Variants in HTT observed in about 807,000 individuals in gnomAD.
The protein encoded by HTT is huntington disease protein.
Under a neutral mutation model 362.3 loss-of-function variants are expected in HTT, and 104 were observed. That is an observed-to-expected ratio of 0.29 (90% CI 0.24 to 0.34). The LOEUF (loss-of-function observed/expected upper bound fraction) is 0.34, where lower values mean the gene tolerates loss of function less well. Ranked by LOEUF, HTT falls within the 10% of genes least tolerant of loss-of-function variation. The pLI is 1.00. For missense variants in HTT, 3,301 were observed against 3,928.6 expected (o/e 0.84, Z 4.27); for synonymous variants, 1,577 against 1,548.7 (o/e 1.02, Z -0.43).
rs144818394 is a variant in HTT, at chr4:3,101,765, A to G, written c.469-2059A>G. Among the ~76,000 whole-genome samples the G allele has an allele frequency of 4.9e-3, 746 of 152,330 alleles. 1 individual carries two copies. The highest frequency in any genetic ancestry group is 7.2e-3 in the Non-Finnish European group (489 of 68,028). On this transcript the variant is annotated intron_variant, in intron 3 of 66. Coordinates refer to ENST00000355072, the MANE Select transcript of HTT (RefSeq NM_001388492.1). ...GGCGGTGAAGCACGTGTGTCCAGCA[A>G]GAACTTCATATGTGGCATAAAGTCT...
chr4:3,135,387 G>C (rs763994069), intron 19 of HTT, among the ~76,000 whole-genome samples: 3 of 149,370 alleles, frequency 2.0e-5, no homozygotes, highest in Admixed American at 2.0e-4. Flanking sequence ...TTTGGCTGGA[G>C]AAGTTTTCTT....
chr4:3,176,025 G>GTTTTTTT lies in HTT; in HGVS notation c.4407+921_4407+927dup, dbSNP rs777646822. Among the ~76,000 whole-genome samples, 450 of 139,014 alleles carry GTTTTTTT rather than the reference G, an allele frequency of 3.2e-3. 15 individuals are homozygous for GTTTTTTT. The highest frequency in any genetic ancestry group is 8.0e-3 in the African/African-American group (269 of 33,666). 91.2% of individuals were successfully genotyped at this position (139,014 alleles called of 152,430 possible). Reference sequence around the variant, plus strand: ...CTTGTTTTTTTTGTTGTTGTTGTTTGTTTTTTTTTGTTTTTTTTTTGAGAT... The same window carrying GTTTTTTT: ...CTTGTTTTTTTTGTTGTTGTTGTTTGTTTTTTTTTTTTTTTTGTTTTTTTTTTGAGAT... On this transcript the variant is annotated intron_variant, in intron 33 of 66. Coordinates refer to ENST00000355072, the MANE Select transcript of HTT (RefSeq NM_001388492.1).
intron 60 of HTT, 125 bp from the exon 61 acceptor site, chr4:3,233,038 C>G (rs572594803): frequency 1.3e-5 from 10 of 746,582 alleles, no homozygotes; most frequent in South Asian, 1.2e-4. Context: ...GGATGGTCTC[C>G]GGCCTGCTGT....
intron 56 of HTT, among the ~76,000 whole-genome samples, chr4:3,225,412 C>T (rs748273578): frequency 2.0e-5 from 3 of 152,244 alleles, no homozygotes; most frequent in Non-Finnish European, 4.4e-5. Context: ...CTGCTGCAGT[C>T]TTATTTGTCA....
chr4:3,188,825 T>G, intron 39 of HTT, 126 bp from the exon 40 acceptor site: 2 of 889,520 alleles, frequency 2.2e-6, no homozygotes, highest in South Asian at 1.7e-5. Context: ...GCATTTCACT[T>G]TAGCGGTTAA....
intron 29 of HTT, among the ~76,000 whole-genome samples, chr4:3,163,094 C>T (rs568491873): frequency 1.3e-5 from 2 of 152,244 alleles, no homozygotes; most frequent in South Asian, 4.2e-4. Flanking sequence ...TGTTGAGATA[C>T]GTTCCATCGA....
chr4:3,236,036 T>C (rs1578617770), intron 63 of HTT, 113 bp from the exon 64 acceptor site: 22 of 836,044 alleles, frequency 2.6e-5, no homozygotes, highest in African/African-American at 5.0e-5. Flanking sequence ...GGGGCTGATA[T>C]CACCTGCTTT....
chr4:3,212,527 C>T (rs1174126399), intron 48 of HTT, 37 bp from the exon 49 acceptor site: 2 of 1,600,308 alleles, frequency 1.2e-6, no homozygotes, highest in Non-Finnish European at 1.7e-6. Flanking sequence ...CATCTGTGCT[C>T]ACGTTTGCAC....
At chr4:3,185,012 A>C (rs1718697719) in intron 37 of HTT, among the ~76,000 whole-genome samples, 1 of 152,196 alleles carries the variant, frequency 6.6e-6, no homozygotes, top group South Asian at 2.1e-4. Context: ...CAGGTTTGGC[A>C]GCACCGAGGG....
intron 53 of HTT, 94 bp from the exon 54 acceptor site, chr4:3,222,293 C>CTCCA (rs1720710140): frequency 2.0e-6 from 2 of 1,020,648 alleles, no homozygotes; most frequent in East Asian, 4.8e-5. Flanking sequence ...GTGGAGCCTT[C>CTCCA]TCCAGGGGCC....
intron 6 of HTT, among the ~76,000 whole-genome samples, chr4:3,109,733 A>G (rs1714638064): frequency 1.3e-5 from 2 of 152,068 alleles, no homozygotes. Flanking sequence ...TTGAAACTGG[A>G]GAGAGGACCT....
chr4:3,100,435 G>A (rs1301151987), intron 3 of HTT, among the ~76,000 whole-genome samples: 1 of 152,170 alleles, frequency 6.6e-6, no homozygotes, highest in African/African-American at 2.4e-5. Flanking sequence ...GCACTTTGTT[G>A]TTTGGCTAAT....
At chr4:3,222,553 G>A in intron 54 of HTT, 66 bp downstream of exon 54, 3 of 1,195,928 alleles carry the variant, frequency 2.5e-6, no homozygotes, top group Non-Finnish European at 3.6e-6. Context: ...CTTTGGTGGG[G>A]AATAAAATAA....
intron 66 of HTT, 28 bp from the exon 67 acceptor site, chr4:3,239,818 C>T (rs1470515782): frequency 1.1e-5 from 17 of 1,526,604 alleles, no homozygotes; most frequent in East Asian, 2.4e-5. Context: ...CCTCATTTGC[C>T]GGCCTTTTTC....
At chr4:3,077,594 A>G in intron 1 of HTT, among the ~76,000 whole-genome samples, 1 of 152,006 alleles carries the variant, frequency 6.6e-6, no homozygotes, top group South Asian at 2.1e-4. Flanking sequence ...TAATTTTTGT[A>G]TTTTTAGTAG....
chr4:3,075,422 T>G (rs1032749659), intron 1 of HTT, among the ~76,000 whole-genome samples: 1 of 152,208 alleles, frequency 6.6e-6, no homozygotes, highest in African/African-American at 2.4e-5. Context: ...GAGAACTTGT[T>G]TCTTTTTATT....
At chr4:3,092,220 C>T (rs959673518) in intron 2 of HTT, among the ~76,000 whole-genome samples, 2 of 152,082 alleles carry the variant, frequency 1.3e-5, no homozygotes, top group Non-Finnish European at 2.9e-5. Flanking sequence ...GATGGGGTTT[C>T]ACTGTGTTGG....
chr4:3,222,430 C>T lies in HTT; in HGVS notation c.7413C>T (p.Leu2471=), dbSNP rs1241986982. Residue 2471 remains leucine (L), a synonymous_variant, in exon 54 of 67, where the codon CTC becomes CTT. Coordinates refer to ENST00000355072, the MANE Select transcript of HTT (RefSeq NM_001388492.1). ...RTQFEETWAT[L]LGVLVTQPLV... is the part of the protein sequence containing the mutation. Reference sequence around the variant, plus strand: ...AGTTTGAAGAAACTTGGGCCACCCTCCTTGGTGTCCTGGTGACGCAGCCCC... The same window carrying T: ...AGTTTGAAGAAACTTGGGCCACCCTTCTTGGTGTCCTGGTGACGCAGCCCC... 2 of 1,614,066 alleles carry T rather than the reference C, an allele frequency of 1.2e-6. No homozygotes were observed. Among genetic ancestry groups the T allele is most frequent in the South Asian group, 1.1e-5 (1 of 91,076 alleles).
At chr4:3,113,985 A>T (rs1424926263) in intron 6 of HTT, among the ~76,000 whole-genome samples, 1 of 152,192 alleles carries the variant, frequency 6.6e-6, no homozygotes, top group African/African-American at 2.4e-5. Flanking sequence ...TGAAGTGGGA[A>T]ATCAGGGGTC....
Sources: allele counts gnomAD v4.1 joint callset (sites outside exome capture counted in the v4.1 genomes callset), GRCh38; gene constraint gnomAD v4.1.1; transcripts MANE v1.5; gene names NCBI Gene and HGNC (gene_info 2026-07-23, HGNC 2026-07-21).